NPM1: variants seen among roughly 807,000 people sequenced by gnomAD.
The protein encoded by NPM1 is nucleophosmin.
Under a neutral mutation model 44.1 loss-of-function variants are expected in NPM1, and 1 was observed. The observed-to-expected ratio is 0.02, with a 90% CI of 0.01 to 0.11. NPM1 has a LOEUF of 0.11. Ranked by LOEUF, NPM1 falls within the 10% of genes least tolerant of loss-of-function variation. NPM1 has a pLI of 1.00. For synonymous variants in NPM1, 126 were observed against 111.8 expected (o/e 1.13, Z -0.80); for missense variants, 197 against 347.8 (o/e 0.57, Z 3.45).
chr5:171,407,639 TA>T, intron 9 of NPM1, 60 bp from the exon 10 acceptor site: 1 of 951,712 alleles, frequency 1.1e-6, no homozygotes. Flanking sequence ...AGGAATTTTC[TA>T]AAGGTATCTC....
In NPM1 at chr5:171,390,092, G is replaced by C; in HGVS notation, c.100G>C (p.Asp34His). 1 of 1,580,762 alleles carries C rather than the reference G, an allele frequency of 6.3e-7. No individual in the cohort carries two copies. Among genetic ancestry groups the C allele is most frequent in the Non-Finnish European group, 8.6e-7 (1 of 1,167,914 alleles). ...KADKDYHFKV[D>H]NDENEHQLSL... ...CGACAAAGATTATCACTTTAAGGTG[G>C]ATAATGATGAAAATGAGCACCAGTT... The change falls in exon 2 of 11, where the codon GAT becomes CAT. Residue 34 changes from aspartate to histidine, a missense_variant. This residue lies in a region of NPM1 where 43 missense variants were observed against 109.6 expected (regional missense o/e 0.39). Coordinates refer to ENST00000296930, the MANE Select transcript of NPM1 (RefSeq NM_002520.7).
intron 8 of NPM1, among the ~76,000 whole-genome samples, chr5:171,402,993 T>A (rs1205334935): frequency 6.9e-5 from 10 of 144,846 alleles, no homozygotes; most frequent in Middle Eastern, 3.5e-3. Flanking sequence ...TTATTTATTT[T>A]TTATTTTTAT....
At chr5:171,387,275 G>T (rs1194269827), upstream of NPM1, 1 of 152,572 alleles carries the variant, frequency 6.6e-6, no homozygotes, top group African/African-American at 2.4e-5. Context: ...TCCTAACAAA[G>T]AATAAGCCGC....
At chr5:171,387,739 C>G (rs544419881), upstream of NPM1, 3 of 588,820 alleles carry the variant, frequency 5.1e-6, no homozygotes, top group South Asian at 6.1e-5. Flanking sequence ...TTGCGCAGGA[C>G]GGCTACGGTA....
At position 171,391,527 on chromosome 5, in the gene NPM1, T is replaced by C. The variant is rs984215391; in HGVS notation, c.258+103T>C. The C allele has an allele frequency of 1.1e-5, 16 of 1,435,226 alleles. No homozygotes were observed. In the African/African-American group the frequency reaches 2.0e-4, roughly 18 times the overall value. The allele number at this position is 1,435,226 out of a possible 1,614,324, so 88.9% of individuals were successfully genotyped here. On this transcript the variant is annotated intron_variant, in intron 3 of 10. Coordinates refer to ENST00000296930, the MANE Select transcript of NPM1 (RefSeq NM_002520.7). ...TGCCAAGGAGATAGAAAGTGGTTCT[T>C]TATCTTCTGTCACTGGAGTTCGATG...
chr5:171,406,692 C>T, intron 9 of NPM1: 65 of 1,241,306 alleles, frequency 5.2e-5, no homozygotes, highest in Non-Finnish European at 6.3e-5. Context: ...GCCTTTGTAT[C>T]TCCTTAGCTG....
At chr5:171,408,171 T>TA (rs1771664485) in intron 10 of NPM1, among the ~76,000 whole-genome samples, 1 of 151,752 alleles carries the variant, frequency 6.6e-6, no homozygotes. Context: ...TCCTAGATCT[T>TA]ATGGGAAATA....
chr5:171,392,630 G>C, intron 4 of NPM1, 80 bp from the exon 5 acceptor site: 2 of 730,258 alleles, frequency 2.7e-6, no homozygotes, highest in Non-Finnish European at 4.3e-6. Context: ...TCAGTTTTTA[G>C]AGTATTTACT....
At chr5:171,406,311 C>A in intron 9 of NPM1, 1 of 1,185,000 alleles carries the variant, frequency 8.4e-7, no homozygotes, top group Non-Finnish European at 1.3e-6. Context: ...TGATTTTTGT[C>A]CCTTGGATAC....
At chr5:171,388,078 G>GA in intron 1 of NPM1, 72 bp downstream of exon 1, 1 of 616,752 alleles carries the variant, frequency 1.6e-6, no homozygotes. Context: ...TGAGGGGCGG[G>GA]AATCCGGCTG....
At chr5:171,407,214 T>C (rs1771615865) in intron 9 of NPM1, 1 of 155,112 alleles carries the variant, frequency 6.4e-6, no homozygotes, top group Admixed American at 6.5e-5. Flanking sequence ...CATTCAACTT[T>C]ATATATCTTT....
intron 6 of NPM1, among the ~76,000 whole-genome samples, chr5:171,396,946 T>C (rs1770927201): frequency 6.6e-6 from 1 of 152,108 alleles, no homozygotes; most frequent in African/African-American, 2.4e-5. Flanking sequence ...GCATTCCAGA[T>C]TGGGCAACAA....
chr5:171,402,344 T>A (rs62383970), intron 8 of NPM1, among the ~76,000 whole-genome samples: 45,091 of 150,612 alleles, frequency 0.3, 7,304 homozygotes, highest in East Asian at 0.43. Flanking sequence ...TATTAAAAAC[T>A]CAAAAAACAA....
chr5:171,399,749 T>C (rs1771095309), intron 6 of NPM1, among the ~76,000 whole-genome samples: 1 of 152,130 alleles, frequency 6.6e-6, no homozygotes, highest in Admixed American at 6.5e-5. Context: ...TACTTAAATA[T>C]ACATACATTA....
chr5:171,400,326 G>A, intron 7 of NPM1, 116 bp downstream of exon 7: 3 of 1,202,944 alleles, frequency 2.5e-6, no homozygotes, highest in Non-Finnish European at 3.5e-6. Flanking sequence ...ATCTCATACT[G>A]AAAATTAGTC....
At chr5:171,408,424 T>A (rs958605668) in intron 10 of NPM1, among the ~76,000 whole-genome samples, 5 of 152,206 alleles carry the variant, frequency 3.3e-5, no homozygotes, top group African/African-American at 1.2e-4. Context: ...GATGCTGCAT[T>A]TAATGGTCTT....
At position 171,391,432 on chromosome 5, in the gene NPM1, C is replaced by T. The variant is rs752928805; in HGVS notation, c.258+8C>T. The stretch of plus-strand genomic sequence containing the variant: ...ATGTCTGTACAGCCAACGGTAAGGG[C>T]ACTTACATACTTTGGATGTTGTGTC... On this transcript the variant is annotated splice_region_variant and intron_variant, in intron 3 of 10. Transcript: ENST00000296930. The T allele has an allele frequency of 2.5e-6, 4 of 1,605,020 alleles. No individual in the cohort carries two copies. The highest frequency in any genetic ancestry group is 8.5e-7 in the Non-Finnish European group (1 of 1,179,630).
intron 4 of NPM1, among the ~76,000 whole-genome samples, chr5:171,392,347 C>G (rs924687261): frequency 2.6e-5 from 4 of 152,116 alleles, no homozygotes; most frequent in African/African-American, 7.2e-5. Context: ...ACCTCAGCCT[C>G]TGGAATAGCT....
At chr5:171,388,471 CAG>C (rs969696081) in intron 1 of NPM1, among the ~76,000 whole-genome samples, 5 of 152,094 alleles carry the variant, frequency 3.3e-5, no homozygotes, top group Middle Eastern at 3.2e-3. Context: ...ATTCTGGCCT[CAG>C]AGCCTGGAGC....
Sources: allele counts gnomAD v4.1 joint callset (sites outside exome capture counted in the v4.1 genomes callset), GRCh38; gene constraint gnomAD v4.1.1; regional missense constraint gnomAD v4.1.1; transcripts MANE v1.5; gene names NCBI Gene and HGNC (gene_info 2026-07-23, HGNC 2026-07-21).